The following ABRAXAS2 variants were observed in gnomAD, a reference collection of about 807,000 sequenced individuals.
ABRAXAS2 encodes the protein abraxas 2, BRISC complex subunit, also known as BRISC complex subunit Abraxas 2.
In ABRAXAS2, 23 loss-of-function variants were observed where a neutral mutation model predicts 49.0. That is an observed-to-expected ratio of 0.47 (90% CI 0.34 to 0.66). ABRAXAS2 has a LOEUF of 0.66. Ranked by LOEUF, ABRAXAS2 falls within the 30% of genes least tolerant of loss-of-function variation. The pLI is 0.01. For synonymous variants in ABRAXAS2, 168 were observed against 180.2 expected, an observed-to-expected ratio of 0.93 and a Z score of 0.54; for missense variants, 443 against 511.9, an observed-to-expected ratio of 0.87 and a Z score of 1.30.
At chr10:124,808,342 AT>A (rs1233331524) in intron 2 of ABRAXAS2, among the ~76,000 whole-genome samples, 3 of 151,916 alleles carry the variant, frequency 2.0e-5, no homozygotes, top group African/African-American at 7.2e-5. Flanking sequence ...CGCCCGGCTA[AT>A]TTTTTTGTAT....
chr10:124,816,234 G>A (rs991920923), intron 2 of ABRAXAS2, among the ~76,000 whole-genome samples: 9 of 152,108 alleles, frequency 5.9e-5, no homozygotes, highest in Admixed American at 5.2e-4. Flanking sequence ...TTGATTAAAT[G>A]CTTCCAGTCA....
Position 124,806,097 on chromosome 10 carries a change from G to A in ABRAXAS2, c.73-734G>A, listed in dbSNP as rs112072796. On this transcript the variant is annotated intron_variant, in intron 1 of 8. Transcript: ENST00000298492. ...GGGCGGATCACGAGGTCAGGAGATC[G>A]AGACCATCCTGGCTAACACGGTGAA... 3.9e-5 allele frequency among the ~76,000 whole-genome samples: 6 copies of A among 151,926 alleles called. No individual in the cohort carries two copies. In the South Asian group the frequency reaches 1.0e-3, roughly 26 times the overall value.
chr10:124,827,619 A>G (rs1396345389), intron 5 of ABRAXAS2, among the ~76,000 whole-genome samples: 1 of 152,144 alleles, frequency 6.6e-6, no homozygotes, highest in Non-Finnish European at 1.5e-5. Context: ...TCCATAATCC[A>G]CTATGTGGAA....
At chr10:124,807,432 C>G (rs1950753235) in intron 2 of ABRAXAS2, among the ~76,000 whole-genome samples, 1 of 151,168 alleles carries the variant, frequency 6.6e-6, no homozygotes, top group Non-Finnish European at 1.5e-5. Flanking sequence ...GCAGGTGGAT[C>G]ACCTGAAGTC....
intron 8 of ABRAXAS2, among the ~76,000 whole-genome samples, chr10:124,832,805 C>T (rs1039600609): frequency 1.3e-5 from 2 of 151,528 alleles, no homozygotes; most frequent in African/African-American, 4.9e-5. Flanking sequence ...GATCATACCA[C>T]TGCACTCCAG....
Position 124,806,920 on chromosome 10 carries a change from T to C in ABRAXAS2, c.162T>C (p.Ile54=). The C allele has an allele frequency of 6.3e-7, 1 of 1,597,128 alleles. No homozygotes were observed. Among genetic ancestry groups the C allele is most frequent in the Non-Finnish European group, 8.6e-7 (1 of 1,166,294 alleles). The part of the protein sequence containing the change: ...QISNTEFLQV[I]EIHNHQPCSK... ...GCAACACAGAATTTCTGCAAGTAATTGGTAAGTAAATTTCTCAATGACCTT... is the reference window on the plus strand; with the variant it reads ...GCAACACAGAATTTCTGCAAGTAATCGGTAAGTAAATTTCTCAATGACCTT... Residue 54 remains isoleucine, a splice_region_variant and synonymous_variant, in exon 2 of 9, where the codon ATT becomes ATC. Transcript: ENST00000298492.
intron 1 of ABRAXAS2, 58 bp downstream of exon 1, chr10:124,801,959 G>C (rs1202536774): frequency 3.2e-6 from 5 of 1,562,644 alleles, no homozygotes; most frequent in African/African-American, 2.7e-5. Flanking sequence ...GTCTCAGGCC[G>C]GCGCTCGCGG....
intron 6 of ABRAXAS2, 71 bp from the exon 7 acceptor site, chr10:124,829,322 A>G: frequency 9.9e-7 from 1 of 1,012,576 alleles, no homozygotes; most frequent in South Asian, 1.4e-5. Context: ...TGGAAGAGGC[A>G]GGAAAAATGC....
In ABRAXAS2 at chr10:124,814,581, T is replaced by C. The variant is rs529965433; in HGVS notation, c.164-1995T>C. 9.9e-5 allele frequency among the ~76,000 whole-genome samples: 15 copies of C among 152,180 alleles called. No individual in the cohort carries two copies. In the East Asian group the frequency reaches 2.7e-3, roughly 27 times the overall value. On this transcript the variant is annotated intron_variant, in intron 2 of 8. Transcript: ENST00000298492. ...GTCTTGAACCCCTAACCTCAGGTGA[T>C]CCACCCGCCTTGGCCTCCCGAAGTG...
chr10:124,818,714 C>T (rs1439448439), intron 3 of ABRAXAS2, among the ~76,000 whole-genome samples: 1 of 152,080 alleles, frequency 6.6e-6, no homozygotes, highest in African/African-American at 2.4e-5. Flanking sequence ...TAGAGGAGGC[C>T]CACGCATCAT....
chr10:124,817,202 T>TAACTGA (rs1434602042), intron 3 of ABRAXAS2, among the ~76,000 whole-genome samples: 1 of 152,100 alleles, frequency 6.6e-6, no homozygotes, highest in Non-Finnish European at 1.5e-5. Flanking sequence ...TGACCAAGGG[T>TAACTGA]AACTGAAACT....
chr10:124,824,154 G>T (rs1950881916), intron 4 of ABRAXAS2, among the ~76,000 whole-genome samples: 1 of 152,100 alleles, frequency 6.6e-6, no homozygotes, highest in African/African-American at 2.4e-5. Context: ...CTCCTGCCTT[G>T]GCCTCCCAAA....
chr10:124,808,222 C>T (rs1950760971), intron 2 of ABRAXAS2, among the ~76,000 whole-genome samples: 1 of 151,396 alleles, frequency 6.6e-6, no homozygotes, highest in African/African-American at 2.4e-5. Flanking sequence ...GTCGCCCAGG[C>T]TAGAGTGCAG....
chr10:124,813,823 A>C (rs1950806570), intron 2 of ABRAXAS2, among the ~76,000 whole-genome samples: 1 of 152,218 alleles, frequency 6.6e-6, no homozygotes, highest in African/African-American at 2.4e-5. Flanking sequence ...GTGCACATTC[A>C]GAGTTCAGAA....
intron 1 of ABRAXAS2, among the ~76,000 whole-genome samples, chr10:124,805,222 A>G: frequency 6.6e-6 from 1 of 151,592 alleles, no homozygotes; most frequent in Non-Finnish European, 1.5e-5. Context: ...AGTCCCAGCT[A>G]CTCGGGAGGC....
intron 2 of ABRAXAS2, among the ~76,000 whole-genome samples, chr10:124,810,754 T>A (rs574073215): frequency 1.3e-5 from 2 of 151,594 alleles, no homozygotes; most frequent in African/African-American, 4.8e-5. Context: ...AGCTAATTTT[T>A]GTATTTTTAG....
At chr10:124,826,884 C>T (rs1372670657) in intron 5 of ABRAXAS2, 99 bp downstream of exon 5, 15 of 1,159,472 alleles carry the variant, frequency 1.3e-5, no homozygotes, top group East Asian at 7.1e-5. Context: ...AAGGCTGAGG[C>T]GGATGGATCA....
chr10:124,808,458 G>A (rs751186824), intron 2 of ABRAXAS2, among the ~76,000 whole-genome samples: 21 of 152,150 alleles, frequency 1.4e-4, no homozygotes, highest in Non-Finnish European at 2.6e-4. Flanking sequence ...TTACAGGCGT[G>A]AGCCACCGTG....
chr10:124,825,410 TG>T (rs1176312632), intron 4 of ABRAXAS2, among the ~76,000 whole-genome samples: 6 of 152,068 alleles, frequency 3.9e-5, no homozygotes, highest in African/African-American at 1.4e-4. Flanking sequence ...CTTTAATCTA[TG>T]GGAAGATATG....
Sources: allele counts gnomAD v4.1 joint callset (sites outside exome capture counted in the v4.1 genomes callset), GRCh38; gene constraint gnomAD v4.1.1; transcripts MANE v1.5; gene names NCBI Gene and HGNC (gene_info 2026-07-23, HGNC 2026-07-21).